ERBB4: variants seen among roughly 807,000 people sequenced by gnomAD.
ERBB4 encodes the protein erb-b2 receptor tyrosine kinase 4.
ERBB4 carries 42 observed loss-of-function variants against 158.0 expected under a neutral mutation model. The observed-to-expected ratio is 0.27, with a 90% confidence interval of 0.21 to 0.34. The LOEUF is 0.34. ERBB4 is among the 10% of genes least tolerant of loss of function. ERBB4 has a pLI of 1.00. For synonymous variants in ERBB4, 583 were observed against 558.7 expected, an observed-to-expected ratio of 1.04 and a Z score of -0.61; for missense variants, 1,333 against 1,624.1, an observed-to-expected ratio of 0.82 and a Z score of 3.08.
chr2:212,201,678 T>G (rs1216200335), intron 1 of ERBB4, among the ~76,000 whole-genome samples: 3 of 152,234 alleles, frequency 2.0e-5, no homozygotes, highest in Non-Finnish European at 2.9e-5. Flanking sequence ...GAAATTATTT[T>G]TTGATCCATT....
At position 212,300,962 on chromosome 2, in the gene ERBB4, G is replaced by T. The variant is rs1433308711; in HGVS notation, c.83-176059C>A. Among the ~76,000 whole-genome samples the T allele has an allele frequency of 2.0e-5, 3 of 151,604 alleles. No individual in the cohort carries two copies. In the South Asian group the frequency reaches 6.2e-4, roughly 31 times the overall value. ...ATAGGTAACAGTTTTGATTCAAAAA[G>T]ATGTCTGGAAAGCAAAATATTTCTT... On this transcript the variant is annotated intron_variant, in intron 1 of 27. Transcript: ENST00000342788.
chr2:211,553,179 G>A (rs1395964879), intron 20 of ERBB4, among the ~76,000 whole-genome samples: 2 of 151,936 alleles, frequency 1.3e-5, no homozygotes, highest in African/African-American at 4.8e-5. Context: ...GTGTTGGCCA[G>A]GCTGGTCTCG....
At chr2:211,806,511 A>G (rs530165913) in intron 3 of ERBB4, among the ~76,000 whole-genome samples, 1 of 152,284 alleles carries the variant, frequency 6.6e-6, no homozygotes, top group Non-Finnish European at 1.5e-5. Context: ...ATAAGGGAGC[A>G]CAGCAAGATA....
intron 2 of ERBB4, among the ~76,000 whole-genome samples, chr2:211,989,684 G>A (rs2082024119): frequency 6.6e-6 from 1 of 151,748 alleles, no homozygotes; most frequent in South Asian, 2.1e-4. Flanking sequence ...TATGATATTA[G>A]GCATATTGAT....
At chr2:211,596,626 G>A (rs1443452771) in intron 19 of ERBB4, among the ~76,000 whole-genome samples, 1 of 151,984 alleles carries the variant, frequency 6.6e-6, no homozygotes, top group Non-Finnish European at 1.5e-5. Context: ...TCTTACCCCT[G>A]AAGACCTTTC....
intron 16 of ERBB4, among the ~76,000 whole-genome samples, chr2:211,646,838 A>C (rs1461951879): frequency 6.6e-6 from 1 of 151,658 alleles, no homozygotes; most frequent in Non-Finnish European, 1.5e-5. Flanking sequence ...CAAAAGCAAA[A>C]TAGGGTGACC....
chr2:211,697,303 A>T (rs1243315005), intron 12 of ERBB4, among the ~76,000 whole-genome samples: 2 of 152,208 alleles, frequency 1.3e-5, no homozygotes, highest in African/African-American at 4.8e-5. Flanking sequence ...AGGAAATTTT[A>T]AAAATGCTAT....
chr2:212,125,236 G>A, intron 1 of ERBB4: 1 of 216,560 alleles, frequency 4.6e-6, no homozygotes. Flanking sequence ...TAGGACATAT[G>A]ATTTACTCTG....
intron 24 of ERBB4, 124 bp from the exon 25 acceptor site, chr2:211,420,735 A>T (rs2063497027): frequency 2.3e-6 from 2 of 880,300 alleles, no homozygotes; most frequent in Admixed American, 4.1e-5. Context: ...ACATTTTAAA[A>T]AAACAAGTCT....
At chr2:212,070,189 T>C (rs2078071353) in intron 2 of ERBB4, among the ~76,000 whole-genome samples, 1 of 151,950 alleles carries the variant, frequency 6.6e-6, no homozygotes, top group Non-Finnish European at 1.5e-5. Flanking sequence ...CTATATATTA[T>C]TGAAAGAAAT....
At chr2:211,550,731 T>C (rs796561510) in intron 20 of ERBB4, among the ~76,000 whole-genome samples, 6,718 of 132,252 alleles carry the variant, frequency 0.051, 157 homozygotes, top group Middle Eastern at 0.15. Flanking sequence ...TATATATATA[T>C]ACACACACAC....
chr2:211,639,619 G>T (rs1316196050), intron 16 of ERBB4, among the ~76,000 whole-genome samples: 1 of 152,136 alleles, frequency 6.6e-6, no homozygotes, highest in African/African-American at 2.4e-5. Context: ...TGTATAAATT[G>T]CACCTACCTT....
At chr2:212,144,880 G>A (rs1004176189) in intron 1 of ERBB4, among the ~76,000 whole-genome samples, 2 of 152,152 alleles carry the variant, frequency 1.3e-5, no homozygotes, top group African/African-American at 4.8e-5. Context: ...TTTAAAAGAT[G>A]TTAGACTGAA....
At chr2:212,004,724 CA>C (rs1300251272) in intron 2 of ERBB4, among the ~76,000 whole-genome samples, 2 of 151,996 alleles carry the variant, frequency 1.3e-5, no homozygotes, top group Non-Finnish European at 2.9e-5. Flanking sequence ...AGGTATTAAT[CA>C]ATTAAAGATT....
intron 2 of ERBB4, among the ~76,000 whole-genome samples, chr2:212,071,250 A>G (rs569983341): frequency 3.3e-5 from 5 of 151,840 alleles, no homozygotes; most frequent in African/African-American, 7.2e-5. Flanking sequence ...GTCCATACCT[A>G]TATTTCTAAG....
intron 1 of ERBB4, among the ~76,000 whole-genome samples, chr2:212,177,141 C>G (rs959584952): frequency 6.6e-6 from 1 of 151,660 alleles, no homozygotes; most frequent in African/African-American, 2.4e-5. Flanking sequence ...TTTGTATTGT[C>G]AGTCTATTTA....
At chr2:211,570,021 C>T (rs1323714215) in intron 19 of ERBB4, among the ~76,000 whole-genome samples, 4 of 152,168 alleles carry the variant, frequency 2.6e-5, no homozygotes, top group African/African-American at 4.8e-5. Flanking sequence ...ATGCCCCCAT[C>T]ACCATTCTCA....
chr2:211,938,749 G>A (rs2125115583), intron 3 of ERBB4, among the ~76,000 whole-genome samples: 1 of 152,246 alleles, frequency 6.6e-6, no homozygotes, highest in South Asian at 2.1e-4. Context: ...AGTATTTACT[G>A]AGAGAAGACA....
rs10182202 is a variant in ERBB4 at position 211,709,272 on chromosome 2, T to C, written c.1124+2778A>G. Reference sequence around the variant, plus strand: ...ATATACACATATATATATATATATATATACATACATATATATATACATATA... The same window carrying C: ...ATATACACATATATATATATATATACATACATACATATATATATACATATA... On this transcript the variant is annotated intron_variant, in intron 9 of 27. Coordinates refer to ENST00000342788, the MANE Select transcript of ERBB4 (RefSeq NM_005235.3). Among the ~76,000 whole-genome samples, 646 of 141,068 alleles carry C rather than the reference T, an allele frequency of 4.6e-3. 14 individuals are homozygous for C. Among genetic ancestry groups the C allele is most frequent in the African/African-American group, 0.016 (589 of 35,938 alleles). 92.5% of individuals were successfully genotyped at this position (141,068 alleles called of 152,430 possible). A position where few individuals can be genotyped will look rare whatever the true frequency, so the allele number is the denominator to read the frequency against.
Sources: allele counts gnomAD v4.1 joint callset (sites outside exome capture counted in the v4.1 genomes callset), GRCh38; gene constraint gnomAD v4.1.1; transcripts MANE v1.5; gene names NCBI Gene and HGNC (gene_info 2026-07-23, HGNC 2026-07-21).